PRMT8: variants seen among roughly 807,000 people sequenced by gnomAD.
PRMT8 encodes the protein protein arginine methyltransferase 8.
Under a neutral mutation model 47.1 loss-of-function variants are expected in PRMT8, and 7 were observed. The observed-to-expected ratio is 0.15, with a 90% CI of 0.08 to 0.28. The LOEUF is 0.28. Ranked by LOEUF, PRMT8 falls within the 10% of genes least tolerant of loss-of-function variation. PRMT8 has a pLI of 1.00. For synonymous variants in PRMT8, 188 were observed against 186.5 expected (o/e 1.01, Z -0.07); for missense variants, 237 against 505.4 (o/e 0.47, Z 5.09).
chr12:3,395,965 A>C (rs1406316506), intron 1 of PRMT8, among the ~76,000 whole-genome samples: 2 of 151,378 alleles, frequency 1.3e-5, no homozygotes, highest in Non-Finnish European at 3.0e-5. Flanking sequence ...ACCATTATGT[A>C]ATGGCCTTCT....
intron 1 of PRMT8, among the ~76,000 whole-genome samples, chr12:3,452,916 C>T (rs538320284): frequency 3.0e-4 from 45 of 152,308 alleles, no homozygotes; most frequent in South Asian, 1.2e-3. Flanking sequence ...GAGGACAATT[C>T]GGCAAGTCCC....
chr12:3,574,475 C>A (rs1866903959), intron 6 of PRMT8, among the ~76,000 whole-genome samples: 2 of 152,240 alleles, frequency 1.3e-5, no homozygotes, highest in Admixed American at 6.5e-5. Context: ...ACCACTGAAC[C>A]AAAATCCTTA....
Position 3,491,612 on chromosome 12 carries a change from C to A in PRMT8, c.-14C>A, listed in dbSNP as rs544870272. 8 of 1,611,974 alleles carry A rather than the reference C, an allele frequency of 5.0e-6. No homozygotes were observed. The highest frequency in any genetic ancestry group is 2.2e-5 in the South Asian group (2 of 90,590). On this transcript the variant is annotated 5_prime_UTR_variant, in exon 1 of 10. Transcript: ENST00000382622. ...CTCTACTATCTCGGTATCACCAAAC[C>A]CTTGCCGGCTCTTATGGGCATGAAA...
At chr12:3,546,395 AG>A (rs1866328003) in intron 2 of PRMT8, among the ~76,000 whole-genome samples, 1 of 152,250 alleles carries the variant, frequency 6.6e-6, no homozygotes, top group Non-Finnish European at 1.5e-5. Flanking sequence ...CAAAGCCAAA[AG>A]TTGCCTTTTG....
rs375365199 is a variant in PRMT8 at position 3,506,972 on chromosome 12, G to A, written c.75+15272G>A. On this transcript the variant is annotated intron_variant, in intron 1 of 9. Transcript: ENST00000382622. ...TGGCGCTAAATCCTGCAGAATATAA[G>A]CTGTGTGAGTGGTACAGCTAAGGCC... is the stretch of plus-strand genomic sequence containing the variant. Among the ~76,000 whole-genome samples, 4 of 152,274 alleles carry A rather than the reference G, an allele frequency of 2.6e-5. No individual in the cohort carries two copies. In the East Asian group the frequency reaches 7.7e-4, roughly 29 times the overall value.
At chr12:3,389,584 G>A (rs1261676773) in intron 1 of PRMT8, among the ~76,000 whole-genome samples, 2 of 152,198 alleles carry the variant, frequency 1.3e-5, no homozygotes, top group Admixed American at 1.3e-4. Context: ...CACAGTGTCA[G>A]CCTTGAAGGA....
chr12:3,385,425 C>T (rs540653968), intron 1 of PRMT8, among the ~76,000 whole-genome samples: 1 of 152,282 alleles, frequency 6.6e-6, no homozygotes, highest in African/African-American at 2.4e-5. Context: ...CCAGACTGTA[C>T]CCACAATTTC....
chr12:3,430,357 G>A lies in PRMT8; in HGVS notation c.48+48915G>A, dbSNP rs143046302. Among the ~76,000 whole-genome samples, 308 of 152,304 alleles carry A rather than the reference G, an allele frequency of 2.0e-3. 2 individuals are homozygous for A. Among genetic ancestry groups the A allele is most frequent in the Non-Finnish European group, 1.2e-3 (84 of 68,022 alleles). On this transcript the variant is annotated intron_variant, in intron 1 of 9. Transcript: ENST00000452611. ...CTATCTGCCTGTGGATTCCATTTCT[G>A]CCTTTAGTTTTTACTTCTTCTTTCT...
intron 1 of PRMT8, among the ~76,000 whole-genome samples, chr12:3,446,078 C>G (rs955938614): frequency 1.3e-5 from 2 of 152,152 alleles, no homozygotes; most frequent in African/African-American, 4.8e-5. Flanking sequence ...CTCCCCCTCC[C>G]CACCCTCAGT....
chr12:3,417,732 G>A (rs1211944554), intron 1 of PRMT8, among the ~76,000 whole-genome samples: 1 of 152,190 alleles, frequency 6.6e-6, no homozygotes. Flanking sequence ...CTCCAGTGAG[G>A]TTTATGGGAT....
At chr12:3,426,030 G>A (rs1388109657) in intron 1 of PRMT8, among the ~76,000 whole-genome samples, 1 of 152,256 alleles carries the variant, frequency 6.6e-6, no homozygotes, top group Non-Finnish European at 1.5e-5. Flanking sequence ...GCCCTCGGGG[G>A]CTGACCCGCA....
At chr12:3,571,321 C>T (rs1053567652) in intron 6 of PRMT8, among the ~76,000 whole-genome samples, 46 of 152,222 alleles carry the variant, frequency 3.0e-4, no homozygotes, top group African/African-American at 1.1e-3. Flanking sequence ...CCTGGAGCTG[C>T]ATTTTGGAGT....
At chr12:3,556,139 C>T (rs1162935938) in intron 4 of PRMT8, among the ~76,000 whole-genome samples, 14 of 152,026 alleles carry the variant, frequency 9.2e-5, no homozygotes, top group African/African-American at 1.7e-4. Context: ...CAGGTAGGTG[C>T]GCTGAGTCAG....
intron 1 of PRMT8, among the ~76,000 whole-genome samples, chr12:3,420,374 C>T (rs1197240092): frequency 3.9e-5 from 6 of 152,190 alleles, no homozygotes; most frequent in Non-Finnish European, 5.9e-5. Flanking sequence ...AGCTGACCTG[C>T]TGTGCAGATG....
chr12:3,441,648 G>C (rs987517928), intron 1 of PRMT8, among the ~76,000 whole-genome samples: 4 of 152,188 alleles, frequency 2.6e-5, no homozygotes, highest in Admixed American at 6.5e-5. Context: ...GCCAGCACTG[G>C]CCATCCCTGA....
chr12:3,546,405 T>C (rs982438703), intron 2 of PRMT8, among the ~76,000 whole-genome samples: 3 of 152,082 alleles, frequency 2.0e-5, no homozygotes, highest in Non-Finnish European at 2.9e-5. Context: ...AGTTGCCTTT[T>C]GAAAAGGCTA....
At chr12:3,523,255 C>T (rs1471056368) in intron 1 of PRMT8, among the ~76,000 whole-genome samples, 1 of 152,126 alleles carries the variant, frequency 6.6e-6, no homozygotes. Flanking sequence ...AAAACAAACC[C>T]TTAAAAAAGA....
At chr12:3,518,629 T>C (rs1428319646) in intron 1 of PRMT8, among the ~76,000 whole-genome samples, 1 of 152,150 alleles carries the variant, frequency 6.6e-6, no homozygotes, top group Non-Finnish European at 1.5e-5. Flanking sequence ...AATTCCCAAA[T>C]GCAAATCCCA....
chr12:3,408,714 T>A (rs1343854596), intron 1 of PRMT8, among the ~76,000 whole-genome samples: 1 of 152,148 alleles, frequency 6.6e-6, no homozygotes, highest in Non-Finnish European at 1.5e-5. Flanking sequence ...CCTTACAGAG[T>A]GGCTTTCATA....
Sources: gnomAD v4.1 joint callset for allele counts (sites outside exome capture counted in the v4.1 genomes callset) on GRCh38, gnomAD v4.1.1 for gene constraint, MANE v1.5 for transcripts, NCBI Gene and HGNC (gene_info 2026-07-23, HGNC 2026-07-21) for gene names.